NUP210L: variants seen among roughly 807,000 people sequenced by gnomAD.
The protein encoded by NUP210L is nuclear pore membrane glycoprotein 210-like.
In NUP210L, 74 loss-of-function variants were observed where a neutral mutation model predicts 208.5. That is an observed-to-expected ratio of 0.35 (90% confidence interval 0.29 to 0.43). The LOEUF (loss-of-function observed/expected upper bound fraction) is 0.43. NUP210L is among the 20% of genes least tolerant of loss of function. NUP210L has a pLI of 1.00. For missense variants in NUP210L, 1,843 were observed against 2,289.4 expected, an observed-to-expected ratio of 0.81 and a Z score of 3.98; for synonymous variants, 780 against 816.9, an observed-to-expected ratio of 0.95 and a Z score of 0.77.
chr1:154,016,985 C>G (rs185959633), intron 33 of NUP210L, among the ~76,000 whole-genome samples: 94 of 151,400 alleles, frequency 6.2e-4, no homozygotes, highest in African/African-American at 2.1e-3. Context: ...CAAAAAAACA[C>G]GCACAAAAAA....
chr1:154,099,887 C>A (rs1183958305), intron 14 of NUP210L, 111 bp downstream of exon 14: 2 of 1,104,180 alleles, frequency 1.8e-6, no homozygotes, highest in African/African-American at 3.1e-5. Flanking sequence ...GTAAAGAGAA[C>A]ATAAATGTCA....
chr1:154,065,129 A>G (rs1011902100), intron 17 of NUP210L, among the ~76,000 whole-genome samples: 10 of 126,098 alleles, frequency 7.9e-5, no homozygotes, highest in African/African-American at 2.7e-4. Flanking sequence ...ATAAAATAAA[A>G]TAAAATAAAA....
intron 16 of NUP210L, 85 bp from the exon 17 acceptor site, chr1:154,070,550 G>A (rs550425399): frequency 4.4e-6 from 4 of 906,620 alleles, no homozygotes; most frequent in South Asian, 2.7e-5. Flanking sequence ...GCTAGGAATC[G>A]AGTTTTCTCT....
At chr1:154,133,308 C>T (rs1658353208) in intron 7 of NUP210L, among the ~76,000 whole-genome samples, 2 of 152,076 alleles carry the variant, frequency 1.3e-5, no homozygotes, top group Admixed American at 1.3e-4. Flanking sequence ...GTAATCCAAG[C>T]ACTTTGGGAG....
chr1:154,152,551 A>C (rs972491689), intron 2 of NUP210L, among the ~76,000 whole-genome samples, 185 bp downstream of exon 2: 5 of 151,650 alleles, frequency 3.3e-5, no homozygotes, highest in African/African-American at 1.2e-4. Flanking sequence ...AGCTCAAGCA[A>C]TCTTTCTGCC....
intron 29 of NUP210L, among the ~76,000 whole-genome samples, chr1:154,027,090 AAAAAAAC>A (rs1651929778): frequency 7.0e-6 from 1 of 143,332 alleles, no homozygotes; most frequent in Non-Finnish European, 1.5e-5. Context: ...CAAAAAAAAA[AAAAAAAC>A]AAAAAAAAAA....
At chr1:153,993,057 C>G (rs777107144) in exon 39 of NUP210L, 1 of 1,613,390 alleles carries the variant, frequency 6.2e-7, no homozygotes, top group African/African-American at 1.3e-5. Context: ...ACAACTGGAA[C>G]TGTTTGTATC....
chr1:154,009,958 C>T lies in NUP210L; in HGVS notation c.4930+14G>A, dbSNP rs1485394220. 1 of 1,593,550 alleles carries T rather than the reference C, an allele frequency of 6.3e-7. No homozygotes were observed. The highest frequency in any genetic ancestry group is 1.3e-5 in the African/African-American group (1 of 74,314). On this transcript the variant is annotated intron_variant, in intron 35 of 39. Coordinates refer to ENST00000368559, the Ensembl canonical transcript of NUP210L. The stretch of plus-strand genomic sequence containing the variant: ...AACAGAATGGGGAAACCAGATTCAA[C>T]TGGTGTAACTTACCTTTCTCCATAC...
intron 3 of NUP210L, 152 bp from the exon 4 acceptor site, chr1:154,141,676 A>G: frequency 1.7e-6 from 1 of 583,892 alleles, no homozygotes; most frequent in Non-Finnish European, 3.1e-6. Context: ...ATTAAAACAT[A>G]TATATGAGAA....
At chr1:154,090,113 G>A (rs1205370614) in intron 15 of NUP210L, among the ~76,000 whole-genome samples, 1 of 151,752 alleles carries the variant, frequency 6.6e-6, no homozygotes, top group African/African-American at 2.4e-5. Context: ...GTGTGGTGAT[G>A]TGTACCTGTA....
intron 12 of NUP210L, among the ~76,000 whole-genome samples, chr1:154,110,212 G>A (rs1656973984): frequency 6.7e-6 from 1 of 148,284 alleles, no homozygotes; most frequent in African/African-American, 2.5e-5. Context: ...TCCAGCCTGG[G>A]AAACAAGAGC....
At chr1:154,145,983 T>C (rs1376396497) in intron 2 of NUP210L, among the ~76,000 whole-genome samples, 1 of 152,072 alleles carries the variant, frequency 6.6e-6, no homozygotes, top group African/African-American at 2.4e-5. Context: ...CTAGAACACC[T>C]GGCCTCAAGC....
At chr1:154,139,928 T>C in exon 5 of NUP210L, 1 of 1,610,982 alleles carries the variant, frequency 6.2e-7, no homozygotes, top group Non-Finnish European at 8.5e-7. Flanking sequence ...GGGGAGCATA[T>C]TCTGCTTCGG....
intron 2 of NUP210L, among the ~76,000 whole-genome samples, chr1:154,152,462 C>T (rs1659446636): frequency 6.7e-6 from 1 of 149,094 alleles, no homozygotes; most frequent in South Asian, 2.1e-4. Flanking sequence ...GCGCGAGCCA[C>T]CGCCCCCAGC....
chr1:154,110,671 G>A (rs1656993317), intron 12 of NUP210L, among the ~76,000 whole-genome samples: 1 of 151,436 alleles, frequency 6.6e-6, no homozygotes, highest in South Asian at 2.1e-4. Context: ...TGGAGCCCAG[G>A]AGTTCAAGAC....
chr1:154,103,291 G>A (rs546541764), intron 13 of NUP210L, among the ~76,000 whole-genome samples: 1 of 151,990 alleles, frequency 6.6e-6, no homozygotes, highest in Non-Finnish European at 1.5e-5. Flanking sequence ...GTACTTGGGA[G>A]GCTGAGGCAG....
chr1:154,061,506 G>C lies in NUP210L; in HGVS notation c.2643+80C>G, dbSNP rs964772568. ...CAGAGGTATATAGTCTCAGCTTTAT[G>C]TAAGTTGTACAACTTTTAAAGAAGA... On this transcript the variant is annotated intron_variant, in intron 18 of 39. Coordinates refer to ENST00000368559, the Ensembl canonical transcript of NUP210L. 8 of 865,024 alleles carry C rather than the reference G, an allele frequency of 9.2e-6. No homozygotes were observed. The African/African-American group carries it at 1.4e-4, about 15-fold the overall frequency. The allele number at this position is 865,024 out of a possible 1,614,324, so 53.6% of individuals were successfully genotyped here.
At chr1:154,058,536 A>G (rs1467910274) in intron 21 of NUP210L, 29 bp downstream of exon 21, 1 of 1,606,358 alleles carries the variant, frequency 6.2e-7, no homozygotes, top group Non-Finnish European at 8.5e-7. Flanking sequence ...GTCTTGCTTA[A>G]TTTCTGAGAT....
chr1:154,042,188 C>T (rs991733386), intron 27 of NUP210L, among the ~76,000 whole-genome samples: 1 of 151,880 alleles, frequency 6.6e-6, no homozygotes, highest in African/African-American at 2.4e-5. Flanking sequence ...CAGCCTTCAC[C>T]TCCCGGGCTC....
Sources: allele counts gnomAD v4.1 joint callset (sites outside exome capture counted in the v4.1 genomes callset), GRCh38; gene constraint gnomAD v4.1.1; transcripts MANE v1.5; gene names NCBI Gene and HGNC (gene_info 2026-07-23, HGNC 2026-07-21).